Variants in CLVS1 observed in about 807,000 individuals in gnomAD.
The protein encoded by CLVS1 is clavesin 1.
Under a neutral mutation model 33.1 loss-of-function variants are expected in CLVS1, and 10 were observed. The observed-to-expected ratio is 0.30, with a 90% confidence interval of 0.19 to 0.51. The LOEUF is 0.51. Ranked by LOEUF, CLVS1 falls within the 20% of genes least tolerant of loss-of-function variation. The probability of loss-of-function intolerance (pLI) is 0.97; values close to 1 mark genes in which losing one functional copy is unlikely to be tolerated. For missense variants in CLVS1, 343 were observed against 433.4 expected (o/e 0.79, Z 1.85); for synonymous variants, 163 against 166.1 (o/e 0.98, Z 0.14).
chr8:61,194,041 T>C lies in CLVS1; in HGVS notation c.-152+62181T>C, dbSNP rs1039597107. 6.2e-5 allele frequency among the ~76,000 whole-genome samples: 7 copies of C among 113,130 alleles called. 1 individual carries two copies. In the South Asian group the frequency reaches 1.1e-3, roughly 18 times the overall value. 74.2% of individuals were successfully genotyped at this position (113,130 alleles called of 152,430 possible). A position where few individuals can be genotyped will look rare whatever the true frequency, so the allele number is the denominator to read the frequency against. Reference sequence around the variant, plus strand: ...TCATATATATGTTTTAATGGATAGATAAATACTATATAAGAGAAAGAGGGT... The same window carrying C: ...TCATATATATGTTTTAATGGATAGACAAATACTATATAAGAGAAAGAGGGT... On this transcript the variant is annotated intron_variant, in intron 2 of 2. Coordinates refer to the CLVS1 transcript ENST00000522621.
At chr8:61,305,390 C>T (rs1266051615) in intron 2 of CLVS1, among the ~76,000 whole-genome samples, 2 of 152,096 alleles carry the variant, frequency 1.3e-5, no homozygotes, top group Admixed American at 1.3e-4. Context: ...ATGAGATTCA[C>T]ATTTTTACCT....
intron 1 of CLVS1, among the ~76,000 whole-genome samples, chr8:61,063,457 C>T (rs1435917079): frequency 2.6e-5 from 4 of 152,030 alleles, no homozygotes; most frequent in South Asian, 2.1e-4. Context: ...GACCTGTGCA[C>T]GTCAAGCGCA....
chr8:61,140,762 T>C (rs1270049750), intron 2 of CLVS1, among the ~76,000 whole-genome samples: 4 of 152,100 alleles, frequency 2.6e-5, no homozygotes, highest in Non-Finnish European at 5.9e-5. Flanking sequence ...GAGATGGGGT[T>C]TCACCGTGTT....
At chr8:61,173,596 T>A (rs565652823) in intron 2 of CLVS1, among the ~76,000 whole-genome samples, 78 of 152,334 alleles carry the variant, frequency 5.1e-4, no homozygotes, top group Non-Finnish European at 1.0e-3. Flanking sequence ...CTTGATTTTA[T>A]TGTTGACCCA....
intron 2 of CLVS1, among the ~76,000 whole-genome samples, chr8:61,155,586 G>A (rs964021575): frequency 2.6e-5 from 4 of 152,004 alleles, no homozygotes; most frequent in African/African-American, 9.7e-5. Flanking sequence ...AGACTTTTGA[G>A]TGAAGGAAAC....
chr8:61,375,133 C>T (rs923287001), intron 2 of CLVS1, among the ~76,000 whole-genome samples: 1 of 152,042 alleles, frequency 6.6e-6, no homozygotes, highest in Non-Finnish European at 1.5e-5. Context: ...CACCCCTCCC[C>T]AACTAAAATA....
Position 61,300,045 on chromosome 8 carries a change from A to G in CLVS1, c.218A>G (p.Asp73Gly). The stretch of plus-strand genomic sequence containing the variant: ...GACATTGGATTTTTACGTACAGATG[A>G]TGCCTTCATCCTGAGATTTCTCCGA... ...RPDIGFLRTD[D>G]AFILRFLRAR... The change falls in exon 2 of 6, where the codon GAT (aspartate) becomes GGT (glycine). Residue 73 changes from aspartate to glycine, a missense_variant. Asp to Gly is a moderately conservative substitution (Grantham distance 94). Coordinates refer to ENST00000325897, the MANE Select transcript of CLVS1 (RefSeq NM_173519.3). 6.2e-7 allele frequency: 1 copy of G among 1,614,030 alleles called. No individual in the cohort carries two copies. Among genetic ancestry groups the G allele is most frequent in the Non-Finnish European group, 8.5e-7 (1 of 1,179,972 alleles).
upstream of CLVS1, among the ~76,000 whole-genome samples, chr8:61,053,659 G>C (rs555267265): frequency 6.6e-6 from 1 of 152,202 alleles, no homozygotes; most frequent in South Asian, 2.1e-4. Context: ...GTTCAGAGAC[G>C]GGACATGTGG....
chr8:61,166,920 T>A (rs1806878533), intron 2 of CLVS1, among the ~76,000 whole-genome samples: 1 of 150,494 alleles, frequency 6.6e-6, no homozygotes, highest in Non-Finnish European at 1.5e-5. Flanking sequence ...CTTCTTTGGA[T>A]CCTGTTTTTT....
At chr8:61,359,015 T>C (rs1273926757) in intron 2 of CLVS1, among the ~76,000 whole-genome samples, 1 of 152,242 alleles carries the variant, frequency 6.6e-6, no homozygotes, top group African/African-American at 2.4e-5. Context: ...TTCTTTCTTA[T>C]AGTCATATTT....
chr8:61,159,462 C>T (rs992608366), intron 2 of CLVS1, among the ~76,000 whole-genome samples: 7 of 152,194 alleles, frequency 4.6e-5, no homozygotes, highest in Admixed American at 3.3e-4. Context: ...TTTGCAAAAA[C>T]TGCTGGATAT....
At chr8:61,411,242 G>T (rs1815210864) in intron 3 of CLVS1, among the ~76,000 whole-genome samples, 1 of 152,252 alleles carries the variant, frequency 6.6e-6, no homozygotes, top group African/African-American at 2.4e-5. Context: ...TCGTTGTTCA[G>T]GTTCCAGAGG....
chr8:61,393,792 C>A (rs1205041520), intron 3 of CLVS1, among the ~76,000 whole-genome samples: 1 of 152,182 alleles, frequency 6.6e-6, no homozygotes, highest in Non-Finnish European at 1.5e-5. Flanking sequence ...ATACCAGCAC[C>A]TGCTCCAGTG....
intron 3 of CLVS1, among the ~76,000 whole-genome samples, chr8:61,401,587 G>C (rs992502829): frequency 6.6e-6 from 1 of 152,114 alleles, no homozygotes; most frequent in Non-Finnish European, 1.5e-5. Context: ...AATGTTCCAT[G>C]CTCATGGATA....
At chr8:61,367,374 T>C (rs1400890084) in intron 2 of CLVS1, among the ~76,000 whole-genome samples, 2 of 152,248 alleles carry the variant, frequency 1.3e-5, no homozygotes, top group Non-Finnish European at 2.9e-5. Context: ...ACATGGTGTC[T>C]ACACGCTAAG....
At chr8:61,112,408 T>A (rs1044333930) in intron 1 of CLVS1, among the ~76,000 whole-genome samples, 2 of 152,214 alleles carry the variant, frequency 1.3e-5, no homozygotes, top group African/African-American at 4.8e-5. Context: ...GGCCTATCAT[T>A]TTCTCTCCTT....
intron 2 of CLVS1, among the ~76,000 whole-genome samples, chr8:61,141,573 GA>G (rs1806309096): frequency 6.6e-6 from 1 of 152,152 alleles, no homozygotes; most frequent in Non-Finnish European, 1.5e-5. Context: ...ACTTTTCCTG[GA>G]GATGAATACA....
chr8:61,004,647 G>C, the CLVS1 span, among the ~76,000 whole-genome samples: 1 of 152,318 alleles, frequency 6.6e-6, no homozygotes, highest in African/African-American at 2.4e-5. Flanking sequence ...AAGCAACAAA[G>C]CAGCGACACA....
chr8:61,219,521 A>G (rs1244963795), intron 2 of CLVS1, among the ~76,000 whole-genome samples: 3 of 152,164 alleles, frequency 2.0e-5, no homozygotes, highest in Admixed American at 6.5e-5. Flanking sequence ...GTGTATATGT[A>G]CCACATTTTT....
Sources: gnomAD v4.1 joint callset for allele counts (sites outside exome capture counted in the v4.1 genomes callset) on GRCh38, gnomAD v4.1.1 for gene constraint, MANE v1.5 for transcripts, NCBI Gene and HGNC (gene_info 2026-07-23, HGNC 2026-07-21) for gene names.